The following BOD1L1 variants were observed in gnomAD, a reference collection of about 807,000 sequenced individuals.
BOD1L1 encodes the protein biorientation of chromosomes in cell division 1 like 1, also known as biorientation of chromosomes in cell division protein 1-like 1.
BOD1L1 carries 86 observed loss-of-function variants against 240.7 expected under a neutral mutation model. The observed-to-expected ratio is 0.36, with a 90% confidence interval of 0.30 to 0.43. BOD1L1 has a LOEUF of 0.43. Ranked by LOEUF, BOD1L1 falls within the 20% of genes least tolerant of loss-of-function variation. The pLI, the probability that BOD1L1 is intolerant of heterozygous loss-of-function variation, is 1.00. For synonymous variants in BOD1L1, 1,268 were observed against 1,272.3 expected, an observed-to-expected ratio of 1.00 and a Z score of 0.07; for missense variants, 3,554 against 3,643.5, an observed-to-expected ratio of 0.98 and a Z score of 0.63.
chr4:13,585,447 C>A, intron 17 of BOD1L1, among the ~76,000 whole-genome samples: 1 of 150,084 alleles, frequency 6.7e-6, no homozygotes. Context: ...AGTACTGAGT[C>A]TCAGAAATGG....
In BOD1L1 at chr4:13,627,446, C is replaced by A. The variant is rs763550234; in HGVS notation, c.142G>T (p.Ala48Ser). ...ATGGCCACGAGCTGCGGGTCCCCGG[C>A]GCCCGCACCCGCGCCGCCCGCCCCG... The part of the protein sequence containing the change: ...AGGAGGAGAG[A>S]GDPQLVAMIV... The change falls in exon 1 of 26, where the codon GCC (alanine) becomes TCC (serine). Residue 48 changes from alanine to serine, a missense_variant. By Grantham distance (99) the Ala-to-Ser change is moderately conservative (BLOSUM62 1). Coordinates refer to ENST00000040738, the MANE Select transcript of BOD1L1 (RefSeq NM_148894.3). 2 of 1,239,890 alleles carry A rather than the reference C, an allele frequency of 1.6e-6. No homozygotes were observed. Among genetic ancestry groups the A allele is most frequent in the Non-Finnish European group, 2.0e-6 (2 of 977,176 alleles). The allele number at this position is 1,239,890 out of a possible 1,614,324, so 76.8% of individuals were successfully genotyped here. A position where few individuals can be genotyped will look rare whatever the true frequency, so the allele number is the denominator to read the frequency against.
In BOD1L1 at chr4:13,614,556, C is replaced by G. The variant is rs1297526210; in HGVS notation, c.814G>C (p.Glu272Gln). 4 of 1,613,846 alleles carry G rather than the reference C, an allele frequency of 2.5e-6. No homozygotes were observed. The highest frequency in any genetic ancestry group is 1.3e-5 in the African/African-American group (1 of 74,914). Reference protein sequence around the residue: ...STADSGGEGLETAPKSEEFSD... With the variant: ...STADSGGEGLQTAPKSEEFSD... ...AACTCTTCAGACTTTGGGGCTGTTT[C>G]CAGTCCTTCACCTCCAGAGTCAGCT... is the stretch of plus-strand genomic sequence containing the variant. Residue 272 changes from glutamate (E) to glutamine (Q), a missense_variant, in exon 4 of 26, where the codon GAA becomes CAA. Around this residue, in one of 2 missense-constraint regions of BOD1L1, gnomAD observed 3,393 missense variants for 3,427.1 expected, o/e 0.99. Transcript: ENST00000040738.
chr4:13,624,385 T>C (rs1717243157), intron 1 of BOD1L1: 1 of 152,212 alleles, frequency 6.6e-6, no homozygotes, highest in Non-Finnish European at 1.5e-5. Context: ...AAATAGTATA[T>C]GCAACTGTAT....
intron 7 of BOD1L1, 26 bp from the exon 8 acceptor site, chr4:13,608,694 G>A (rs1460091252): frequency 1.0e-5 from 14 of 1,385,570 alleles, no homozygotes; most frequent in Non-Finnish European, 1.3e-5. Context: ...TCAATAAAAC[G>A]TATTTCAGAA....
chr4:13,587,151 T>C (rs544878090), intron 16 of BOD1L1, among the ~76,000 whole-genome samples: 1 of 152,340 alleles, frequency 6.6e-6, no homozygotes, highest in African/African-American at 2.4e-5. Flanking sequence ...TACTGAAATA[T>C]AAAATAATTA....
chr4:13,622,407 T>G lies in BOD1L1; in HGVS notation c.244-2340A>C, dbSNP rs1362978478. On this transcript the variant is annotated intron_variant, in intron 1 of 25. Transcript: ENST00000040738. ...GAAATATTAAGTATTCATTGAGAAG[T>G]ATTCTCCTAGGAACATGTATGTACC... Among the ~76,000 whole-genome samples the G allele has an allele frequency of 2.6e-5, 4 of 152,300 alleles. No homozygotes were observed. In the East Asian group the frequency reaches 7.7e-4, roughly 29 times the overall value.
chr4:13,587,371 C>T (rs1330687604), intron 16 of BOD1L1, among the ~76,000 whole-genome samples: 1 of 152,164 alleles, frequency 6.6e-6, no homozygotes, highest in Non-Finnish European at 1.5e-5. Flanking sequence ...GACTAAAGTG[C>T]TTCACTAGCT....
At position 13,601,649 on chromosome 4, in the gene BOD1L1, C is replaced by T. The variant is rs746978718; in HGVS notation, c.5251G>A (p.Glu1751Lys). ...CCTGCACCTGTAACCATGCGTTCCT[C>T]CCGGGGCCCTGCTCCAGTTACTGAG... is the stretch of plus-strand genomic sequence containing the variant. ...ICSVTGAGPR[E>K]ERMVTGAGVV... is the part of the protein sequence containing the mutation. Residue 1751 changes from glutamate (E) to lysine (K), a missense_variant, in exon 10 of 26, where the codon GAG (glutamate) becomes AAG (lysine). By Grantham distance (56) the Glu-to-Lys change is moderately conservative. Transcript: ENST00000040738. 4 of 1,613,904 alleles carry T rather than the reference C, an allele frequency of 2.5e-6. No individual in the cohort carries two copies. The highest frequency in any genetic ancestry group is 4.5e-5 in the East Asian group (2 of 44,884).
intron 11 of BOD1L1, among the ~76,000 whole-genome samples, chr4:13,596,746 C>A (rs185788984): frequency 3.9e-5 from 6 of 152,248 alleles, no homozygotes; most frequent in African/African-American, 1.2e-4. Context: ...AATGGAGAGG[C>A]TACTGAAGTA....
intron 13 of BOD1L1, 36 bp from the exon 14 acceptor site, chr4:13,590,482 CTCACAAAAAT>C: frequency 8.9e-7 from 1 of 1,128,914 alleles, no homozygotes. Context: ...TATGGATAGT[CTCACAAAAAT>C]TTAAAGGCAA....
intron 12 of BOD1L1, chr4:13,593,230 C>T (rs747042238): frequency 2.0e-5 from 3 of 152,134 alleles, no homozygotes; most frequent in Non-Finnish European, 2.9e-5. Context: ...CTTTGACCCT[C>T]CCTCCCCCAA....
In BOD1L1 at chr4:13,614,686, C is replaced by G. The variant is rs1716443788; in HGVS notation, c.684G>C (p.Lys228Asn). 2 of 1,613,732 alleles carry G rather than the reference C, an allele frequency of 1.2e-6. No individual in the cohort carries two copies. The highest frequency in any genetic ancestry group is 1.7e-5 in the Admixed American group (1 of 59,978). Residue 228 changes from lysine (K) to asparagine (N), a missense_variant, in exon 4 of 26, where the codon AAG (lysine) becomes AAC (asparagine). Lys to Asn is a moderately conservative substitution (Grantham distance 94). Around this residue, in one of 2 missense-constraint regions of BOD1L1, gnomAD observed 3,393 missense variants for 3,427.1 expected, o/e 0.99. Transcript: ENST00000040738. ...GTTTTTTTGACGCTCTCTCACTGGT[C>G]TTGGCATTTGATGTTTCTGTTGAAG... ...ARASTETSNA[K>N]TSERASKKLP...
intron 17 of BOD1L1, among the ~76,000 whole-genome samples, chr4:13,585,484 T>C (rs547509432): frequency 6.6e-6 from 1 of 151,936 alleles, no homozygotes; most frequent in East Asian, 1.9e-4. Context: ...AGGTATCTAG[T>C]AGGGAATGAA....
rs374725746 is a variant in BOD1L1 at position 13,599,829 on chromosome 4, T to G, written c.7071A>C (p.Pro2357=). The change falls in exon 10 of 26, where the codon CCA becomes CCC. Residue 2357 remains proline (P), a synonymous_variant. Coordinates refer to ENST00000040738, the MANE Select transcript of BOD1L1 (RefSeq NM_148894.3). The stretch of plus-strand genomic sequence containing the variant: ...TGGCTGACAGGTCACCGTTCCCTTC[T>G]GGGTTGTCTGCAGTCAGCTGATTCT... The part of the protein sequence containing the change: ...HEENQLTADN[P]EGNGDLSATE... The G allele has an allele frequency of 5.6e-6, 9 of 1,614,040 alleles. No individual in the cohort carries two copies. The highest frequency in any genetic ancestry group is 6.8e-6 in the Non-Finnish European group (8 of 1,179,894).
Position 13,613,487 on chromosome 4 carries a change from G to A in BOD1L1, c.1324+25C>T, listed in dbSNP as rs373077031. ...ATAATGCTTGACAGGATGCTTCAGAGGCATTATTATGTAAAATGCTTTACC... is the reference window on the plus strand; with the variant it reads ...ATAATGCTTGACAGGATGCTTCAGAAGCATTATTATGTAAAATGCTTTACC... On this transcript the variant is annotated intron_variant, in intron 5 of 25. Coordinates refer to ENST00000040738, the MANE Select transcript of BOD1L1 (RefSeq NM_148894.3). This position sits in a 1 kb window ranked among gnomAD's most constrained non-coding sequence, Gnocchi z 4.0. 100 of 1,598,074 alleles carry A rather than the reference G, an allele frequency of 6.3e-5. No homozygotes were observed. Among genetic ancestry groups the A allele is most frequent in the Non-Finnish European group, 6.8e-5 (80 of 1,168,806 alleles).
At chr4:13,593,105 G>C (rs1331253206) in intron 12 of BOD1L1, 1 of 152,138 alleles carries the variant, frequency 6.6e-6, no homozygotes, top group Non-Finnish European at 1.5e-5. Flanking sequence ...TGAATTTTTA[G>C]ATACGGGATG....
In BOD1L1 at chr4:13,600,705, T is replaced by C; in HGVS notation, c.6195A>G (p.Lys2065=). 6.2e-7 allele frequency: 1 copy of C among 1,613,988 alleles called. No individual in the cohort carries two copies. The highest frequency in any genetic ancestry group is 8.5e-7 in the Non-Finnish European group (1 of 1,179,886). ...AAATAATCAAAACTTTGCCTTGATT[T>C]TTACCCCCTGCTAAGCTATTCTGGT... The part of the protein sequence containing the change: ...ITNQNSLAGG[K]NQGKVLIIST... Residue 2065 remains lysine (K), a synonymous_variant, in exon 10 of 26, where the codon AAA becomes AAG. Coordinates refer to ENST00000040738, the MANE Select transcript of BOD1L1 (RefSeq NM_148894.3).
intron 16 of BOD1L1, 136 bp downstream of exon 16, chr4:13,587,563 G>T: frequency 3.0e-6 from 2 of 658,670 alleles, no homozygotes; most frequent in Non-Finnish European, 5.2e-6. Context: ...AGCCAGTCTA[G>T]AAACAAATTA....
Position 13,602,423 on chromosome 4 carries a change from A to C in BOD1L1, c.4477T>G (p.Ser1493Ala), listed in dbSNP as rs1296323737. The C allele has an allele frequency of 1.2e-6, 2 of 1,613,982 alleles. No individual in the cohort carries two copies. The highest frequency in any genetic ancestry group is 1.7e-6 in the Non-Finnish European group (2 of 1,179,882). ...DTSAGSGSAP[S>A]VLHQRNGQTE... is the part of the protein sequence containing the mutation. The stretch of plus-strand genomic sequence containing the variant: ...TGTCCGTTCCTTTGGTGTAAAACAG[A>C]GGGTGCAGAGCCACTTCCAGCACTG... The change falls in exon 10 of 26, where the codon TCT becomes GCT. Residue 1493 changes from serine to alanine, a missense_variant. Physicochemically the swap from Ser to Ala is moderately conservative, Grantham distance 99 (BLOSUM62 1). Coordinates refer to ENST00000040738, the MANE Select transcript of BOD1L1 (RefSeq NM_148894.3).
Sources: gnomAD v4.1 joint callset for allele counts (sites outside exome capture counted in the v4.1 genomes callset) on GRCh38, gnomAD v4.1.1 for gene constraint, gnomAD v4.1.1 regional missense constraint, Gnocchi (gnomAD v3.1) non-coding constraint, MANE v1.5 for transcripts, NCBI Gene and HGNC (gene_info 2026-07-23, HGNC 2026-07-21) for gene names.